The following GRXCR2 variants were observed in gnomAD, a reference collection of about 807,000 sequenced individuals.
The protein encoded by GRXCR2 is glutaredoxin and cysteine rich domain containing 2.
In GRXCR2, 23 loss-of-function variants were observed where a neutral mutation model predicts 24.8. The ratio of observed to expected loss-of-function variants is 0.93; its 90% CI spans 0.67 to 1.32. The LOEUF (loss-of-function observed/expected upper bound fraction) is 1.32. GRXCR2 is among the 40% of genes most tolerant of loss of function. The pLI, the probability that GRXCR2 is intolerant of heterozygous loss-of-function variation, is 0.00. For synonymous variants in GRXCR2, 130 were observed against 116.1 expected (o/e 1.12, Z -0.77); for missense variants, 315 against 303.4 (o/e 1.04, Z -0.28).
intron 2 of GRXCR2, among the ~76,000 whole-genome samples, chr5:145,898,871 C>T (rs1756988270): frequency 6.6e-6 from 1 of 151,922 alleles, no homozygotes; most frequent in East Asian, 1.9e-4. Flanking sequence ...TGTCCACACT[C>T]ACAACTCCTA....
rs1013003228 is a variant in GRXCR2 at position 145,858,628 on chromosome 5, T to G, written c.*1105A>C. 1 of 152,164 alleles carries G rather than the reference T, an allele frequency of 6.6e-6. No individual in the cohort carries two copies. The highest frequency in any genetic ancestry group is 1.5e-5 in the Non-Finnish European group (1 of 68,042). 9.4% of individuals were successfully genotyped at this position (152,164 alleles called of 1,614,324 possible). On this transcript the variant is annotated 3_prime_UTR_variant, in exon 3 of 3. Transcript: ENST00000377976. ...AGAATAACAAACAAATCTTGAGAAA[T>G]TATTAAGTTATGAAATCAAAATTAT...
intron 2 of GRXCR2, among the ~76,000 whole-genome samples, chr5:145,904,316 G>C (rs1381094276): frequency 1.3e-5 from 2 of 152,176 alleles, no homozygotes; most frequent in Admixed American, 6.5e-5. Context: ...TCCAGAGTAG[G>C]GCCCACAGTA....
At chr5:145,901,308 GA>G (rs879527034) in intron 2 of GRXCR2, among the ~76,000 whole-genome samples, 12 of 146,152 alleles carry the variant, frequency 8.2e-5, no homozygotes, top group Admixed American at 2.7e-4. Context: ...AAGTTGAAAT[GA>G]AAAAAAAAAG....
At chr5:145,882,706 T>C (rs1289743573) in intron 2 of GRXCR2, among the ~76,000 whole-genome samples, 4 of 152,146 alleles carry the variant, frequency 2.6e-5, no homozygotes. Context: ...CATGCTGCTG[T>C]AAAGACACAT....
chr5:145,875,075 C>T (rs1025558495), upstream of GRXCR2, among the ~76,000 whole-genome samples: 43 of 152,178 alleles, frequency 2.8e-4, no homozygotes, highest in African/African-American at 9.9e-4. Flanking sequence ...CTATTTTTCC[C>T]TCCATTCAAC....
At chr5:145,882,623 A>T (rs541612796) in intron 2 of GRXCR2, among the ~76,000 whole-genome samples, 1 of 152,320 alleles carries the variant, frequency 6.6e-6, no homozygotes, top group African/African-American at 2.4e-5. Context: ...GCGATTCCTC[A>T]AGGATCTAGA....
At chr5:145,894,572 G>A (rs1756920363) in intron 2 of GRXCR2, among the ~76,000 whole-genome samples, 1 of 152,128 alleles carries the variant, frequency 6.6e-6, no homozygotes, top group Non-Finnish European at 1.5e-5. Context: ...ACCCTCCCAA[G>A]AATAAACCAG....
intron 2 of GRXCR2, among the ~76,000 whole-genome samples, chr5:145,923,292 A>G (rs1285247928): frequency 6.6e-6 from 1 of 152,240 alleles, no homozygotes; most frequent in African/African-American, 2.4e-5. Context: ...ATGATTCTCC[A>G]GAGATAGCCC....
chr5:145,912,337 G>A (rs1238585662), intron 2 of GRXCR2, among the ~76,000 whole-genome samples: 1 of 152,128 alleles, frequency 6.6e-6, no homozygotes. Flanking sequence ...TAAAAAGGGG[G>A]TTCTTAGCCC....
chr5:145,918,641 G>A (rs1181031835), intron 2 of GRXCR2, among the ~76,000 whole-genome samples: 1 of 152,182 alleles, frequency 6.6e-6, no homozygotes, highest in Non-Finnish European at 1.5e-5. Flanking sequence ...GCAGGCTTCA[G>A]CTGTGTCACC....
intron 2 of GRXCR2, among the ~76,000 whole-genome samples, chr5:145,914,952 G>A (rs181162804): frequency 1.3e-4 from 20 of 152,332 alleles, no homozygotes; most frequent in Middle Eastern, 3.4e-3. Flanking sequence ...AAAGAGAGGC[G>A]TGGGGACTTG....
At chr5:145,920,570 T>C (rs1047435959) in intron 2 of GRXCR2, among the ~76,000 whole-genome samples, 35 of 152,316 alleles carry the variant, frequency 2.3e-4, no homozygotes, top group African/African-American at 7.9e-4. Flanking sequence ...CAGGTCATTC[T>C]GCCACTCAAG....
At chr5:145,902,745 C>T (rs1757040926) in intron 2 of GRXCR2, among the ~76,000 whole-genome samples, 1 of 152,226 alleles carries the variant, frequency 6.6e-6, no homozygotes, top group African/African-American at 2.4e-5. Flanking sequence ...TAACAGCAAA[C>T]ATTTTTGAGC....
At chr5:145,882,150 GA>G (rs1756712007) in intron 2 of GRXCR2, among the ~76,000 whole-genome samples, 1 of 152,054 alleles carries the variant, frequency 6.6e-6, no homozygotes, top group Non-Finnish European at 1.5e-5. Context: ...CAATGACAAC[GA>G]AAGCCAAAAT....
At chr5:145,926,591 C>T (rs1424893516) in intron 2 of GRXCR2, among the ~76,000 whole-genome samples, 1 of 152,136 alleles carries the variant, frequency 6.6e-6, no homozygotes, top group Non-Finnish European at 1.5e-5. Context: ...GTCTATATCT[C>T]TGTGTTGGTA....
chr5:145,864,019 A>G (rs1177903577), intron 2 of GRXCR2, among the ~76,000 whole-genome samples: 1 of 152,244 alleles, frequency 6.6e-6, no homozygotes, highest in African/African-American at 2.4e-5. Flanking sequence ...AATTGGTAAG[A>G]GCAAACACCA....
intron 2 of GRXCR2, among the ~76,000 whole-genome samples, chr5:145,911,473 A>C (rs1757166456): frequency 6.6e-6 from 1 of 152,328 alleles, no homozygotes; most frequent in East Asian, 1.9e-4. Context: ...AAAGCATCAA[A>C]GCCGAGAACA....
chr5:145,896,302 A>G (rs565615617), intron 2 of GRXCR2, among the ~76,000 whole-genome samples: 9 of 152,380 alleles, frequency 5.9e-5, no homozygotes, highest in Admixed American at 5.9e-4. Context: ...TAAACTGAAG[A>G]GCTTCTGCAC....
intron 2 of GRXCR2, among the ~76,000 whole-genome samples, chr5:145,897,414 C>A (rs928392819): frequency 1.3e-5 from 2 of 151,806 alleles, no homozygotes; most frequent in African/African-American, 2.4e-5. Context: ...ATAATGAAGG[C>A]AAAAAACTAA....
Sources: gnomAD v4.1 joint callset for allele counts (sites outside exome capture counted in the v4.1 genomes callset) on GRCh38, gnomAD v4.1.1 for gene constraint, MANE v1.5 for transcripts, NCBI Gene and HGNC (gene_info 2026-07-23, HGNC 2026-07-21) for gene names.